The following MYO1D variants were observed in gnomAD, a reference collection of about 807,000 sequenced individuals.
The protein encoded by MYO1D is myosin ID.
MYO1D carries 83 observed loss-of-function variants against 122.0 expected under a neutral mutation model. That is an observed-to-expected ratio of 0.68 (90% CI 0.57 to 0.82). MYO1D has a LOEUF of 0.82. Ranked by LOEUF, MYO1D falls within the 40% of genes least tolerant of loss-of-function variation. MYO1D has a pLI of 0.00. For synonymous variants in MYO1D, 464 were observed against 446.9 expected, an observed-to-expected ratio of 1.04 and a Z score of -0.48; for missense variants, 1,157 against 1,269.5, an observed-to-expected ratio of 0.91 and a Z score of 1.35.
In MYO1D at chr17:32,654,595, C is replaced by A. The variant is rs776320414; in HGVS notation, c.2372G>T (p.Ser791Ile). 3.7e-6 allele frequency: 6 copies of A among 1,612,468 alleles called. No homozygotes were observed. The South Asian group carries it at 6.6e-5, about 18-fold the overall frequency. The change falls in exon 18 of 22, where the codon AGC becomes ATC. Residue 791 changes from serine (S) to isoleucine (I), a missense_variant. Physicochemically the swap from Ser to Ile is moderately radical, Grantham distance 142 (BLOSUM62 -2). Coordinates refer to ENST00000318217, the MANE Select transcript of MYO1D (RefSeq NM_015194.3). The part of the protein sequence containing the change: ...NRWRASQLIK[S>I]IPASDLPQVR... Reference sequence around the variant, plus strand: ...CTGGGGCAGGTCTGAGGCCGGAATGCTCTTGATGAGCTGGGATGCTCTCCA... The same window carrying A: ...CTGGGGCAGGTCTGAGGCCGGAATGATCTTGATGAGCTGGGATGCTCTCCA...
Position 32,748,940 on chromosome 17 carries a change from C to T in MYO1D, c.1534G>A (p.Val512Ile), listed in dbSNP as rs1301315434. The change falls in exon 12 of 22, where the codon GTA becomes ATA. Residue 512 changes from valine to isoleucine, a missense_variant. Transcript: ENST00000318217. ...GTACCAAGGTAAGATACTCACACTACATCGCCTGCATAATGTCGAATTCGA... is the reference window on the plus strand; with the variant it reads ...GTACCAAGGTAAGATACTCACACTATATCGCCTGCATAATGTCGAATTCGA... ...DFRIRHYAGD[V>I]VYSVIGFIDK... The T allele has an allele frequency of 6.2e-7, 1 of 1,612,896 alleles. No homozygotes were observed. The highest frequency in any genetic ancestry group is 1.3e-5 in the African/African-American group (1 of 74,916).
chr17:32,684,877 T>C (rs2088983715), intron 16 of MYO1D, among the ~76,000 whole-genome samples: 2 of 152,210 alleles, frequency 1.3e-5, no homozygotes, highest in Non-Finnish European at 2.9e-5. Flanking sequence ...ACATAAAAAT[T>C]TCACTGAAAA....
chr17:32,553,098 CAAAACAAAAA>C (rs2087034300), intron 21 of MYO1D, among the ~76,000 whole-genome samples: 1 of 110,110 alleles, frequency 9.1e-6, no homozygotes, highest in African/African-American at 4.6e-5. Context: ...AAACAAAAAA[CAAAACAAAAA>C]AAAAAACAAA....
At chr17:32,675,717 T>C (rs1408200110) in intron 16 of MYO1D, among the ~76,000 whole-genome samples, 1 of 152,204 alleles carries the variant, frequency 6.6e-6, no homozygotes, top group African/African-American at 2.4e-5. Context: ...GAATTCTTCA[T>C]AAATTAAGTG....
At chr17:32,790,676 C>CA (rs2090341732) in intron 1 of MYO1D, among the ~76,000 whole-genome samples, 1 of 152,202 alleles carries the variant, frequency 6.6e-6, no homozygotes, top group South Asian at 2.1e-4. Context: ...ACTTCTGAGA[C>CA]AGACTTTTCA....
intron 14 of MYO1D, 30 bp from the exon 15 acceptor site, chr17:32,721,219 T>C (rs1409629097): frequency 1.9e-6 from 3 of 1,605,658 alleles, no homozygotes; most frequent in Non-Finnish European, 1.7e-6. Flanking sequence ...AATGGTAAGT[T>C]TCACTGGAGA....
At chr17:32,552,411 TCCATCCAC>T (rs1253138260) in intron 21 of MYO1D, among the ~76,000 whole-genome samples, 10 of 145,520 alleles carry the variant, frequency 6.9e-5, no homozygotes, top group East Asian at 2.0e-4. Flanking sequence ...AATCCATCCA[TCCATCCAC>T]CCATCCATCC....
chr17:32,776,073 A>G, intron 3 of MYO1D, 44 bp from the exon 4 acceptor site: 1 of 1,555,974 alleles, frequency 6.4e-7, no homozygotes, highest in Non-Finnish European at 8.7e-7. Flanking sequence ...ACTTATAGAG[A>G]CTAGAATTTT....
At chr17:32,496,237 G>A (rs553956730) in intron 21 of MYO1D, 45 of 152,408 alleles carry the variant, frequency 3.0e-4, no homozygotes, top group African/African-American at 1.0e-3. Flanking sequence ...CCCAGCACAC[G>A]CTTTCTGAGG....
chr17:32,807,337 C>G (rs1321037260), intron 1 of MYO1D, among the ~76,000 whole-genome samples: 1 of 151,996 alleles, frequency 6.6e-6, no homozygotes, highest in Non-Finnish European at 1.5e-5. Context: ...TTCCATAAAA[C>G]TTTATGTTCC....
intron 20 of MYO1D, among the ~76,000 whole-genome samples, chr17:32,625,100 A>G (rs1430935225): frequency 6.6e-6 from 1 of 152,074 alleles, no homozygotes; most frequent in African/African-American, 2.4e-5. Context: ...CCTTTTTTGT[A>G]TCCTAATGGA....
intron 21 of MYO1D, among the ~76,000 whole-genome samples, chr17:32,552,465 C>T (rs2087027033): frequency 6.6e-6 from 1 of 151,836 alleles, no homozygotes; most frequent in Non-Finnish European, 1.5e-5. Context: ...TCCATCCATT[C>T]ATCCATCCCT....
rs1403850686 is a variant in MYO1D at position 32,812,161 on chromosome 17, TTAC to T, written c.96-31380_96-31378del. Among the ~76,000 whole-genome samples, 16 of 152,328 alleles carry T rather than the reference TTAC, an allele frequency of 1.1e-4. 3 individuals are homozygous for T. The highest frequency in any genetic ancestry group is 3.4e-4 in the African/African-American group (14 of 41,576). ...TTAGTTTTGAATTCTGAGTTTGAGT[TTAC>T]TTTTCCAAATGGAAACAAGATCAAA... On this transcript the variant is annotated intron_variant, in intron 1 of 21. Coordinates refer to ENST00000318217, the MANE Select transcript of MYO1D (RefSeq NM_015194.3).
chr17:32,619,977 T>C (rs1388981845), intron 20 of MYO1D, among the ~76,000 whole-genome samples: 4 of 152,224 alleles, frequency 2.6e-5, no homozygotes, highest in African/African-American at 9.7e-5. Context: ...TGGATCTTAC[T>C]TAAATCTTCT....
intron 18 of MYO1D, 70 bp from the exon 19 acceptor site, chr17:32,654,017 G>T: frequency 8.2e-7 from 1 of 1,216,756 alleles, no homozygotes; most frequent in Non-Finnish European, 1.2e-6. Flanking sequence ...ATCTTTCAGT[G>T]TACTGCTTTA....
At chr17:32,567,164 G>A (rs913405096) in intron 21 of MYO1D, among the ~76,000 whole-genome samples, 2 of 151,992 alleles carry the variant, frequency 1.3e-5, no homozygotes, top group African/African-American at 4.8e-5. Context: ...AAATTGAGCA[G>A]GAAATGAAAA....
rs764085757 is a variant in MYO1D, at chr17:32,778,509, G to A, written c.369C>T (p.Thr123=). The A allele has an allele frequency of 1.9e-6, 3 of 1,614,020 alleles. No homozygotes were observed. The highest frequency in any genetic ancestry group is 2.5e-6 in the Non-Finnish European group (3 of 1,179,890). The part of the protein sequence containing the change: ...KYIMQYIAAI[T]NPSQRAEVER... ...CAACCTCTGCTCTCTGACTGGGGTT[G>A]GTGATGGCCGCAATATACTGCATAA... The change falls in exon 3 of 22, where the codon ACC becomes ACT. Residue 123 remains threonine (T), a synonymous_variant. Transcript: ENST00000318217.
At chr17:32,653,685 CA>C (rs1555636317) in intron 19 of MYO1D, among the ~76,000 whole-genome samples, 157 bp downstream of exon 19, 1 of 151,804 alleles carries the variant, frequency 6.6e-6, no homozygotes, top group Non-Finnish European at 1.5e-5. Flanking sequence ...GTAGTCACCT[CA>C]GCCATTCCTA....
At chr17:32,868,528 T>C (rs2091149730) in intron 1 of MYO1D, among the ~76,000 whole-genome samples, 2 of 152,080 alleles carry the variant, frequency 1.3e-5, no homozygotes, top group Admixed American at 6.5e-5. Flanking sequence ...AGACAAAACT[T>C]TGTCTTAGTG....
Sources: allele counts gnomAD v4.1 joint callset (sites outside exome capture counted in the v4.1 genomes callset), GRCh38; gene constraint gnomAD v4.1.1; transcripts MANE v1.5; gene names NCBI Gene and HGNC (gene_info 2026-07-23, HGNC 2026-07-21).